The following L3HYPDH variants were observed in gnomAD, a reference collection of about 807,000 sequenced individuals.
The protein encoded by L3HYPDH is trans-3-hydroxy-L-proline dehydratase.
In L3HYPDH, 32 loss-of-function variants were observed where a neutral mutation model predicts 26.5. The observed-to-expected ratio is 1.21, with a 90% CI of 0.91 to 1.62. The LOEUF (loss-of-function observed/expected upper bound fraction) is 1.62. Ranked by LOEUF, L3HYPDH falls within the 40% of genes most tolerant of loss-of-function variation. L3HYPDH has a pLI of 0.00. For missense variants in L3HYPDH, 554 were observed against 476.4 expected (o/e 1.16, Z -1.52); for synonymous variants, 215 against 196.6 (o/e 1.09, Z -0.78).
upstream of L3HYPDH, chr14:59,485,204 A>C: frequency 1.4e-6 from 2 of 1,419,390 alleles, no homozygotes; most frequent in East Asian, 2.3e-5. Context: ...ATTGATATTC[A>C]CGTGTATTTA....
At chr14:59,479,634 C>G (rs1475248881) in intron 1 of L3HYPDH, among the ~76,000 whole-genome samples, 2 of 152,136 alleles carry the variant, frequency 1.3e-5, no homozygotes, top group East Asian at 3.9e-4. Context: ...AGGATCTTTT[C>G]TAGGAAACAC....
chr14:59,502,762 T>TGTTTTG, the L3HYPDH span, among the ~76,000 whole-genome samples: 103 of 133,586 alleles, frequency 7.7e-4, 2 homozygotes, highest in South Asian at 2.6e-3. Context: ...TTTTTTTTTT[T>TGTTTTG]TTTTTTTTTT....
downstream of L3HYPDH, among the ~76,000 whole-genome samples, chr14:59,471,840 AT>A (rs55778019): frequency 5.3e-5 from 8 of 151,878 alleles, no homozygotes; most frequent in African/African-American, 1.5e-4. Context: ...TAGTGATGTC[AT>A]TTTTTTTGAG....
the L3HYPDH span, chr14:59,501,006 A>T: frequency 1.8e-6 from 1 of 540,810 alleles, no homozygotes; most frequent in East Asian, 3.2e-5. Context: ...GGCTGAAACT[A>T]TTTACTATCT....
At chr14:59,478,106 A>T (rs1889764374) in intron 2 of L3HYPDH, among the ~76,000 whole-genome samples, 1 of 152,230 alleles carries the variant, frequency 6.6e-6, no homozygotes, top group Non-Finnish European at 1.5e-5. Context: ...TTCTCTATGA[A>T]ATAAGAAAAA....
intron 1 of L3HYPDH, among the ~76,000 whole-genome samples, chr14:59,481,839 T>C (rs1208936998): frequency 2.0e-5 from 3 of 152,242 alleles, no homozygotes; most frequent in Admixed American, 6.5e-5. Flanking sequence ...TTAGTGTGGC[T>C]TTGGTGTCTT....
downstream of L3HYPDH, among the ~76,000 whole-genome samples, chr14:59,468,337 G>A (rs754154676): frequency 6.6e-6 from 1 of 152,138 alleles, no homozygotes; most frequent in African/African-American, 2.4e-5. Flanking sequence ...AGTCTCATTC[G>A]GTACCACTTT....
At chr14:59,493,850 A>G in the L3HYPDH span, among the ~76,000 whole-genome samples, 1 of 152,218 alleles carries the variant, frequency 6.6e-6, no homozygotes, top group Admixed American at 6.5e-5. Flanking sequence ...TCAGGAATAG[A>G]TAAATGGACT....
upstream of L3HYPDH, chr14:59,484,977 A>G (rs1398365777): frequency 6.4e-7 from 1 of 1,565,970 alleles, no homozygotes; most frequent in Non-Finnish European, 8.6e-7. Flanking sequence ...TACTGCTTCA[A>G]CCTCAAACGT....
chr14:59,470,393 G>T (rs1889280840), downstream of L3HYPDH, among the ~76,000 whole-genome samples: 1 of 152,196 alleles, frequency 6.6e-6, no homozygotes, highest in Non-Finnish European at 1.5e-5. Context: ...CTAAAGAGAG[G>T]TAGTATGCTA....
intron 2 of L3HYPDH, 88 bp from the exon 3 acceptor site, chr14:59,476,302 CTT>C (rs1195356241): frequency 1.3e-5 from 12 of 940,332 alleles, no homozygotes; most frequent in Non-Finnish European, 1.9e-5. Flanking sequence ...TTAGACATAA[CTT>C]TTTAATCCTT....
upstream of L3HYPDH, chr14:59,486,914 TGGA>T: frequency 1.2e-6 from 1 of 810,552 alleles, no homozygotes; most frequent in Non-Finnish European, 2.0e-6. Context: ...TAAAAGAATA[TGGA>T]GGACCAGGCG....
chr14:59,491,359 C>G, the L3HYPDH span, among the ~76,000 whole-genome samples: 1 of 152,086 alleles, frequency 6.6e-6, no homozygotes, highest in East Asian at 1.9e-4. Context: ...GAGAGGAGTT[C>G]TAAAATTGTA....
upstream of L3HYPDH, chr14:59,487,848 C>T (rs375475352): frequency 6.2e-7 from 1 of 1,607,040 alleles, no homozygotes; most frequent in Non-Finnish European, 8.5e-7. Context: ...TTTCTATGAA[C>T]ATATCTGGCT....
At chr14:59,498,135 A>G in the L3HYPDH span, among the ~76,000 whole-genome samples, 1 of 152,192 alleles carries the variant, frequency 6.6e-6, no homozygotes, top group Non-Finnish European at 1.5e-5. Flanking sequence ...GTTCCTTGAG[A>G]TGATTCTGCT....
intron 2 of L3HYPDH, among the ~76,000 whole-genome samples, chr14:59,478,097 T>C (rs985712787): frequency 6.6e-6 from 1 of 152,226 alleles, no homozygotes; most frequent in Non-Finnish European, 1.5e-5. Context: ...GAATTAATGT[T>C]CTCTATGAAA....
At chr14:59,484,880 T>G, upstream of L3HYPDH, 1 of 1,290,602 alleles carries the variant, frequency 7.7e-7, no homozygotes, top group Non-Finnish European at 1.0e-6. Flanking sequence ...AGGGAACACT[T>G]GCTTGAGGGT....
Position 59,484,150 on chromosome 14 carries a change from T to C in L3HYPDH, c.167A>G (p.Gln56Arg). 6.2e-7 allele frequency: 1 copy of C among 1,601,394 alleles called. No homozygotes were observed. Among genetic ancestry groups the C allele is most frequent in the South Asian group, 1.1e-5 (1 of 90,906 alleles). The part of the protein sequence containing the change: ...TLLAKRRYMR[Q>R]HLDHVRRRLM... ...CCGTCGCCGCACGTGGTCAAGGTGC[T>C]GGCGCATGTAGCGCCGCTTGGCCAG... Residue 56 changes from glutamine (Q) to arginine (R), a missense_variant, in exon 1 of 5, where the codon CAG becomes CGG. Gln to Arg is a conservative substitution (Grantham distance 43). Transcript: ENST00000247194.
At chr14:59,485,409 A>G (rs568236322), upstream of L3HYPDH, 39 of 309,248 alleles carry the variant, frequency 1.3e-4, no homozygotes, top group African/African-American at 8.3e-4. Context: ...GTTAAAAGCG[A>G]AAATATTAAA....
Sources: allele counts gnomAD v4.1 joint callset (sites outside exome capture counted in the v4.1 genomes callset), GRCh38; gene constraint gnomAD v4.1.1; transcripts MANE v1.5; gene names NCBI Gene and HGNC (gene_info 2026-07-23, HGNC 2026-07-21).